The following CCDC91 variants were observed in gnomAD, a reference collection of about 807,000 sequenced individuals.
CCDC91 encodes the protein coiled-coil domain containing 91, also known as coiled-coil domain-containing protein 91.
Under a neutral mutation model 63.2 loss-of-function variants are expected in CCDC91, and 48 were observed. The ratio of observed to expected loss-of-function variants is 0.76; its 90% CI spans 0.60 to 0.97. CCDC91 has a LOEUF of 0.97. CCDC91 is among the 50% of genes least tolerant of loss of function. The pLI, the probability that CCDC91 is intolerant of heterozygous loss-of-function variation, is 0.00. For synonymous variants in CCDC91, 167 were observed against 165.8 expected (o/e 1.01, Z -0.06); for missense variants, 500 against 494.6 (o/e 1.01, Z -0.10).
Position 28,527,041 on chromosome 12 carries a change from G to A in CCDC91, c.1216-22022G>A, listed in dbSNP as rs904748704. 2.0e-5 allele frequency among the ~76,000 whole-genome samples: 3 copies of A among 151,868 alleles called. No individual in the cohort carries two copies. In the East Asian group the frequency reaches 5.8e-4, roughly 29 times the overall value. ...TTATATTTTGGATTTCCTTACATTGGACTTTGCCTTTCTCTGGTGCCTCCC... is the reference window on the plus strand; with the variant it reads ...TTATATTTTGGATTTCCTTACATTGAACTTTGCCTTTCTCTGGTGCCTCCC... On this transcript the variant is annotated intron_variant, in intron 12 of 12. Coordinates refer to ENST00000536442, the MANE Select transcript of CCDC91 (RefSeq NM_018318.5).
chr12:28,387,767 A>G (rs549481499), intron 7 of CCDC91, among the ~76,000 whole-genome samples: 28 of 152,192 alleles, frequency 1.8e-4, no homozygotes, highest in Non-Finnish European at 3.1e-4. Flanking sequence ...TTTATACCGC[A>G]GTTTCTTTAT....
intron 11 of CCDC91, among the ~76,000 whole-genome samples, chr12:28,476,211 A>G (rs1202260685): frequency 6.6e-6 from 1 of 152,136 alleles, no homozygotes; most frequent in Non-Finnish European, 1.5e-5. Context: ...AAAATTGACC[A>G]CATAGTTGGA....
Position 28,252,359 on chromosome 12 carries a change from T to A in CCDC91, c.-14-4843T>A, listed in dbSNP as rs1946171904. 2.0e-5 allele frequency among the ~76,000 whole-genome samples: 3 copies of A among 152,056 alleles called. No individual in the cohort carries two copies. The South Asian group carries it at 6.2e-4, about 31-fold the overall frequency. On this transcript the variant is annotated intron_variant, in intron 1 of 12. Coordinates refer to ENST00000536442, the MANE Select transcript of CCDC91 (RefSeq NM_018318.5). ...ATTTTGTTGATGATTTCTTTACTTT[T>A]GTTTTCTCTTTTCTGTCTTTCTTGA...
At chr12:28,477,926 A>G (rs1413135505) in intron 11 of CCDC91, among the ~76,000 whole-genome samples, 1 of 152,194 alleles carries the variant, frequency 6.6e-6, no homozygotes, top group Non-Finnish European at 1.5e-5. Flanking sequence ...GGACCTCTTC[A>G]AGGAGAACTA....
chr12:28,239,977 C>T (rs1945231569), intron 1 of CCDC91, among the ~76,000 whole-genome samples: 1 of 152,002 alleles, frequency 6.6e-6, no homozygotes, highest in South Asian at 2.1e-4. Flanking sequence ...ATATCCAGCT[C>T]TTGTAACTGT....
At chr12:28,302,660 G>A (rs2137016844) in intron 3 of CCDC91, 1 of 983,676 alleles carries the variant, frequency 1.0e-6, no homozygotes, top group Middle Eastern at 5.2e-4. Context: ...AGTGAAGTTA[G>A]CACTTAGTGG....
At chr12:28,329,315 A>G (rs1432243095) in intron 6 of CCDC91, among the ~76,000 whole-genome samples, 1 of 152,114 alleles carries the variant, frequency 6.6e-6, no homozygotes, top group African/African-American at 2.4e-5. Context: ...CTTGTTTATA[A>G]TATTGTGGCA....
intron 7 of CCDC91, among the ~76,000 whole-genome samples, chr12:28,385,155 GA>G (rs1945523678): frequency 6.6e-6 from 1 of 151,984 alleles, no homozygotes; most frequent in South Asian, 2.1e-4. Flanking sequence ...TTAAACGATA[GA>G]AAAAAGATGT....
chr12:28,532,394 C>A (rs1245993434), intron 12 of CCDC91, among the ~76,000 whole-genome samples: 1 of 151,896 alleles, frequency 6.6e-6, no homozygotes, highest in African/African-American at 2.4e-5. Context: ...AATTTAATGT[C>A]TAAAAGGGAT....
chr12:28,366,424 A>G (rs1592444657), intron 7 of CCDC91, among the ~76,000 whole-genome samples: 1 of 152,224 alleles, frequency 6.6e-6, no homozygotes, highest in East Asian at 1.9e-4. Context: ...GAAAACTATT[A>G]GATAATACCC....
chr12:28,367,939 A>C (rs2138737875), intron 7 of CCDC91, among the ~76,000 whole-genome samples: 1 of 152,302 alleles, frequency 6.6e-6, no homozygotes, highest in African/African-American at 2.4e-5. Flanking sequence ...CTGCCAATAG[A>C]CTGCCTTTGG....
Position 28,388,801 on chromosome 12 carries a change from C to A in CCDC91, c.655-2503C>A, listed in dbSNP as rs185021037. Among the ~76,000 whole-genome samples the A allele has an allele frequency of 7.0e-4, 107 of 152,206 alleles. 1 individual carries two copies. The East Asian group carries it at 0.012, about 18-fold the overall frequency. ...AATGGTGCTGGGATAATTGGCAAGC[C>A]ACATCTAGGAGATTGAAACTGAATC... On this transcript the variant is annotated intron_variant, in intron 7 of 12. Transcript: ENST00000536442.
chr12:28,493,959 T>C (rs1038331882), intron 12 of CCDC91, among the ~76,000 whole-genome samples: 1 of 151,690 alleles, frequency 6.6e-6, no homozygotes, highest in Admixed American at 6.6e-5. Context: ...CCCAATTTAA[T>C]AGGTTGGAGG....
intron 1 of CCDC91, among the ~76,000 whole-genome samples, chr12:28,200,438 G>T (rs1375194401): frequency 1.4e-5 from 2 of 146,044 alleles, no homozygotes; most frequent in South Asian, 2.3e-4. Flanking sequence ...GCGGCCTTCC[G>T]CAGTGTTTGT....
chr12:28,494,825 CA>C (rs1952195721), intron 12 of CCDC91, among the ~76,000 whole-genome samples: 1 of 151,714 alleles, frequency 6.6e-6, no homozygotes, highest in Admixed American at 6.6e-5. Context: ...TCTAGATGTA[CA>C]TTTTTAAATG....
chr12:28,306,089 C>T (rs1424418814), intron 4 of CCDC91, among the ~76,000 whole-genome samples: 3 of 152,006 alleles, frequency 2.0e-5, no homozygotes, highest in Non-Finnish European at 2.9e-5. Context: ...AAATCTTGAA[C>T]TTGAAAAGGG....
chr12:28,267,793 TATAA>T lies in CCDC91; in HGVS notation c.109+8352_109+8355del, dbSNP rs1462083882. On this transcript the variant is annotated intron_variant, in intron 3 of 12. Coordinates refer to ENST00000536442, the MANE Select transcript of CCDC91 (RefSeq NM_018318.5). ...ATTATATTATTAATATATAATTATA[TATAA>T]TTATATAGTAATATATAATTATATT... Among the ~76,000 whole-genome samples the T allele has an allele frequency of 4.2e-3, 162 of 38,270 alleles. 11 individuals carry two copies. The highest frequency in any genetic ancestry group is 0.013 in the African/African-American group (158 of 11,850). 25.1% of individuals were successfully genotyped at this position (38,270 alleles called of 152,430 possible). A position where few individuals can be genotyped will look rare whatever the true frequency, so the allele number is the denominator to read the frequency against.
chr12:28,434,606 T>G (rs1592664091), intron 8 of CCDC91, among the ~76,000 whole-genome samples: 1 of 131,994 alleles, frequency 7.6e-6, no homozygotes, highest in South Asian at 2.2e-4. Flanking sequence ...TTTTTTTTTT[T>G]TTTTTTTTTT....
chr12:28,422,652 A>G (rs922122235), intron 8 of CCDC91, among the ~76,000 whole-genome samples: 1 of 152,108 alleles, frequency 6.6e-6, no homozygotes, highest in African/African-American at 2.4e-5. Context: ...CTCTTACCAC[A>G]TGCTTCACTT....
Sources: gnomAD v4.1 joint callset for allele counts (sites outside exome capture counted in the v4.1 genomes callset) on GRCh38, gnomAD v4.1.1 for gene constraint, MANE v1.5 for transcripts, NCBI Gene and HGNC (gene_info 2026-07-23, HGNC 2026-07-21) for gene names.